IQCM: variants seen among roughly 807,000 people sequenced by gnomAD.
The protein encoded by IQCM is IQ domain-containing protein M.
IQCM carries 45 observed loss-of-function variants against 57.6 expected under a neutral mutation model. The observed-to-expected ratio is 0.78, with a 90% CI of 0.62 to 1.00. The LOEUF is 1.00. IQCM is among the 50% of genes least tolerant of loss of function. The pLI is 0.00. For synonymous variants in IQCM, 148 were observed against 158.9 expected, an observed-to-expected ratio of 0.93 and a Z score of 0.51; for missense variants, 468 against 511.6, an observed-to-expected ratio of 0.91 and a Z score of 0.82.
At chr4:149,652,075 G>C (rs1759236152) in intron 7 of IQCM, among the ~76,000 whole-genome samples, 1 of 152,096 alleles carries the variant, frequency 6.6e-6, no homozygotes, top group Non-Finnish European at 1.5e-5. Flanking sequence ...TAATAGACTG[G>C]ATAAAGAAAA....
chr4:149,469,560 T>C (rs900201329), intron 12 of IQCM, among the ~76,000 whole-genome samples: 1 of 152,158 alleles, frequency 6.6e-6, no homozygotes, highest in African/African-American at 2.4e-5. Context: ...CAGAATATTA[T>C]CCAGGAGAAC....
intron 12 of IQCM, among the ~76,000 whole-genome samples, chr4:149,494,282 A>C (rs1742419597): frequency 6.6e-6 from 1 of 152,118 alleles, no homozygotes. Flanking sequence ...CAACAATTGC[A>C]ACAAGTCTGT....
intron 5 of IQCM, among the ~76,000 whole-genome samples, chr4:149,717,811 A>G (rs1441169602): frequency 2.0e-5 from 3 of 152,202 alleles, no homozygotes; most frequent in Admixed American, 6.5e-5. Flanking sequence ...CGGGCCTAAC[A>G]CTGCTAGGAG....
intron 2 of IQCM, chr4:149,790,148 G>T: frequency 3.6e-6 from 2 of 550,544 alleles, no homozygotes; most frequent in Non-Finnish European, 6.3e-6. Context: ...AATGATCTGT[G>T]AACATTAGTT....
intron 2 of IQCM, among the ~76,000 whole-genome samples, chr4:149,765,048 T>C (rs774694826): frequency 2.5e-4 from 38 of 152,108 alleles, no homozygotes; most frequent in Non-Finnish European, 4.3e-4. Flanking sequence ...AAAAAATGTT[T>C]CTTCCATCAA....
At position 149,644,066 on chromosome 4, in the gene IQCM, C is replaced by T. The variant is rs191547512; in HGVS notation, c.566-22822G>A. 3.6e-3 allele frequency among the ~76,000 whole-genome samples: 550 copies of T among 152,286 alleles called. 5 individuals carry two copies. Among genetic ancestry groups the T allele is most frequent in the South Asian group, 0.015 (74 of 4,826 alleles). ...GAAAATCATGCTCCAAGAAACAGCT[C>T]GGTTTAAGGCAAACTGGGCCAGTTG... On this transcript the variant is annotated intron_variant, in intron 7 of 13. Coordinates refer to ENST00000636793, the MANE Select transcript of IQCM (RefSeq NM_001363507.2).
At chr4:149,665,770 C>A (rs1480216984) in intron 7 of IQCM, among the ~76,000 whole-genome samples, 1 of 152,116 alleles carries the variant, frequency 6.6e-6, no homozygotes, top group Non-Finnish European at 1.5e-5. Context: ...TTGGCAGACC[C>A]ACCCTCAATC....
chr4:149,433,421 A>G lies in IQCM; in HGVS notation c.1365T>C (p.Asn455=). ...CTATATATCTATAACCTTCTTCCCC[A>G]TTTACTATGGGTCTCAACCAAGTCG... ...LKSTWLRPIV[N]GEEGYRYIVN... The change falls in exon 13 of 14, where the codon AAT becomes AAC. Residue 455 remains asparagine, a synonymous_variant. Coordinates refer to ENST00000636793, the MANE Select transcript of IQCM (RefSeq NM_001363507.2). The G allele has an allele frequency of 8.2e-7, 1 of 1,225,812 alleles. No individual in the cohort carries two copies. Among genetic ancestry groups the G allele is most frequent in the Non-Finnish European group, 1.0e-6 (1 of 982,632 alleles). The allele number at this position is 1,225,812 out of a possible 1,614,324, so 75.9% of individuals were successfully genotyped here.
At chr4:149,500,330 T>C (rs1043178420) in intron 12 of IQCM, among the ~76,000 whole-genome samples, 1 of 152,196 alleles carries the variant, frequency 6.6e-6, no homozygotes, top group Admixed American at 6.5e-5. Context: ...TAAGTTAGTA[T>C]CTTTTAAATA....
At position 149,508,916 on chromosome 4, in the gene IQCM, T is replaced by A. The variant is rs1744114765; in HGVS notation, c.1228+39539A>T. On this transcript the variant is annotated intron_variant, in intron 12 of 13. Coordinates refer to ENST00000636793, the MANE Select transcript of IQCM (RefSeq NM_001363507.2). Reference sequence around the variant, plus strand: ...GCAGGTCTTTCCAGTGCTGTTCTCATGATAGTGAATAAGTCTCAGGAGATC... The same window carrying A: ...GCAGGTCTTTCCAGTGCTGTTCTCAAGATAGTGAATAAGTCTCAGGAGATC... Among the ~76,000 whole-genome samples, 4 of 152,334 alleles carry A rather than the reference T, an allele frequency of 2.6e-5. No individual in the cohort carries two copies. The South Asian group carries it at 8.3e-4, about 32-fold the overall frequency.
chr4:149,749,294 C>T (rs1768212407), intron 2 of IQCM, among the ~76,000 whole-genome samples: 1 of 152,080 alleles, frequency 6.6e-6, no homozygotes, highest in Non-Finnish European at 1.5e-5. Flanking sequence ...CTAGAAGCAA[C>T]CCAAATGTCC....
intron 7 of IQCM, among the ~76,000 whole-genome samples, chr4:149,635,083 A>G (rs1757609057): frequency 6.6e-6 from 1 of 152,230 alleles, no homozygotes; most frequent in Admixed American, 6.5e-5. Context: ...AATGCCAAGA[A>G]AAGTTTGAAT....
intron 7 of IQCM, among the ~76,000 whole-genome samples, 177 bp from the exon 8 acceptor site, chr4:149,621,421 A>G (rs747400182): frequency 7.6e-4 from 116 of 152,234 alleles, no homozygotes; most frequent in Non-Finnish European, 1.9e-4. Context: ...AGGATTGCAT[A>G]GAGAGAGGCT....
At chr4:149,365,892 A>C (rs1020198827) in intron 13 of IQCM, among the ~76,000 whole-genome samples, 3 of 152,168 alleles carry the variant, frequency 2.0e-5, no homozygotes, top group African/African-American at 7.2e-5. Context: ...GGAATTTAGA[A>C]TTAGATGCTG....
At chr4:149,578,775 T>C (rs755177347) in intron 9 of IQCM, among the ~76,000 whole-genome samples, 8 of 151,866 alleles carry the variant, frequency 5.3e-5, no homozygotes, top group Admixed American at 1.3e-4. Flanking sequence ...ACCACGTATA[T>C]ATCAGGGACT....
intron 2 of IQCM, among the ~76,000 whole-genome samples, chr4:149,761,599 A>G (rs1296543519): frequency 1.3e-5 from 2 of 152,082 alleles, no homozygotes; most frequent in African/African-American, 4.8e-5. Context: ...TAAATCTTGT[A>G]GTATGGTTAT....
intron 7 of IQCM, among the ~76,000 whole-genome samples, chr4:149,638,902 TTG>T (rs1757947256): frequency 2.8e-5 from 1 of 35,934 alleles, no homozygotes; most frequent in Non-Finnish European, 4.9e-5. Context: ...GGGTTTAGTT[TTG>T]CCTGCTTCTA....
intron 5 of IQCM, among the ~76,000 whole-genome samples, chr4:149,721,046 G>C (rs925989486): frequency 7.2e-5 from 11 of 152,110 alleles, no homozygotes; most frequent in Non-Finnish European, 1.2e-4. Flanking sequence ...CTGCATGTTT[G>C]TATGTATAAT....
chr4:149,800,342 A>G (rs928724622), intron 2 of IQCM, among the ~76,000 whole-genome samples: 2 of 152,114 alleles, frequency 1.3e-5, no homozygotes, highest in Admixed American at 6.6e-5. Flanking sequence ...TAGAAGGAAC[A>G]TATCTCAACA....
Sources: allele counts gnomAD v4.1 joint callset (sites outside exome capture counted in the v4.1 genomes callset), GRCh38; gene constraint gnomAD v4.1.1; transcripts MANE v1.5; gene names NCBI Gene and HGNC (gene_info 2026-07-23, HGNC 2026-07-21).